The following ALOX15B variants were observed in gnomAD, a reference collection of about 807,000 sequenced individuals.
ALOX15B encodes polyunsaturated fatty acid lipoxygenase ALOX15B.
A neutral mutation model predicts 73.8 loss-of-function variants in ALOX15B; 74 were observed. The ratio of observed to expected loss-of-function variants is 1.00; its 90% CI spans 0.83 to 1.22. The LOEUF is 1.22. ALOX15B is among the 50% of genes most tolerant of loss of function. ALOX15B has a pLI of 0.00. For missense variants in ALOX15B, 896 were observed against 859.9 expected (o/e 1.04, Z -0.52); for synonymous variants, 353 against 357.2 (o/e 0.99, Z 0.13).
At chr17:8,042,758 C>A in intron 4 of ALOX15B, 23 bp from the exon 5 acceptor site, 1 of 1,545,434 alleles carries the variant, frequency 6.5e-7, no homozygotes, top group Non-Finnish European at 8.8e-7. Flanking sequence ...TCCCCACTCC[C>A]CACCCCTCAC....
At position 8,046,796 on chromosome 17, in the gene ALOX15B, C is replaced by T. The variant is rs369698956; in HGVS notation, c.1287+42C>T. 20 of 1,612,312 alleles carry T rather than the reference C, an allele frequency of 1.2e-5. No individual in the cohort carries two copies. The African/African-American group carries it at 2.5e-4, about 20-fold the overall frequency. ...GGAGGGAGTAGGCAGGCCACTCCTT[C>T]AATGTGACGAATTTGAGGTCCTGGG... On this transcript the variant is annotated intron_variant, in intron 9 of 13. Transcript: ENST00000380183.
intron 6 of ALOX15B, 30 bp downstream of exon 6, chr17:8,045,031 C>T (rs768199728): frequency 6.2e-7 from 1 of 1,612,698 alleles, no homozygotes; most frequent in Non-Finnish European, 8.5e-7. Flanking sequence ...TGGCTCTGCA[C>T]AGTCCCATCT....
intron 2 of ALOX15B, 53 bp downstream of exon 2, chr17:8,039,658 G>A (rs1976380899): frequency 8.3e-6 from 9 of 1,079,298 alleles, no homozygotes; most frequent in Admixed American, 2.3e-5. Flanking sequence ...AGGGGTAGGG[G>A]ACTGGGGGTT....
intron 13 of ALOX15B, 122 bp from the exon 14 acceptor site, chr17:8,048,263 AC>A: frequency 8.1e-7 from 1 of 1,229,622 alleles, no homozygotes. Flanking sequence ...TTCAGGTCCC[AC>A]ACTTGGGGGC....
Position 8,045,323 on chromosome 17 carries a change from C to A in ALOX15B, c.935C>A (p.Ala312Asp). The change falls in exon 7 of 14, where the codon GCC (alanine) becomes GAC (aspartate). Residue 312 changes from alanine (A) to aspartate (D), a missense_variant. By Grantham distance (126) the Ala-to-Asp change is moderately radical. Transcript: ENST00000380183. Reference sequence around the variant, plus strand: ...AATGGGAAGCCTCAGTTCTCTGCGGCCCCAATGACCCTGCTATACCAGAGC... The same window carrying A: ...AATGGGAAGCCTCAGTTCTCTGCGGACCCAATGACCCTGCTATACCAGAGC... ...VINGKPQFSAAPMTLLYQSPG... is the reference protein window; with the variant it reads ...VINGKPQFSADPMTLLYQSPG... 1 of 1,614,182 alleles carries A rather than the reference C, an allele frequency of 6.2e-7. No homozygotes were observed. Among genetic ancestry groups the A allele is most frequent in the Non-Finnish European group, 8.5e-7 (1 of 1,180,032 alleles).
At position 8,045,499 on chromosome 17, in the gene ALOX15B, G is replaced by A; in HGVS notation, c.1013G>A (p.Gly338Asp). The change falls in exon 8 of 14, where the codon GGC (glycine) becomes GAC (aspartate). Residue 338 changes from glycine to aspartate, a missense_variant. Coordinates refer to ENST00000380183, the MANE Select transcript of ALOX15B (RefSeq NM_001141.3). The stretch of plus-strand genomic sequence containing the variant: ...TCCCCCCAGCTCAGCCAGACCCCCG[G>A]CCCAAACAGCCCCATCTTCCTGCCC... ...PLAIQLSQTP[G>D]PNSPIFLPTD... 1 of 1,614,030 alleles carries A rather than the reference G, an allele frequency of 6.2e-7. No homozygotes were observed. The highest frequency in any genetic ancestry group is 8.5e-7 in the Non-Finnish European group (1 of 1,179,982).
chr17:8,041,173 C>A (rs1326684008), intron 3 of ALOX15B, among the ~76,000 whole-genome samples: 1 of 152,176 alleles, frequency 6.6e-6, no homozygotes, highest in Non-Finnish European at 1.5e-5. Flanking sequence ...CTACTGTGTC[C>A]ATGGAGACCC....
At chr17:8,044,546 G>A (rs893892302) in intron 5 of ALOX15B, among the ~76,000 whole-genome samples, 4 of 152,156 alleles carry the variant, frequency 2.6e-5, no homozygotes, top group Non-Finnish European at 5.9e-5. Flanking sequence ...TGAGCTGTAG[G>A]AATAATCTGT....
intron 3 of ALOX15B, among the ~76,000 whole-genome samples, chr17:8,040,601 G>GAGAAAGAA (rs373229362): frequency 0.17 from 18,282 of 109,200 alleles, 1,633 homozygotes; most frequent in Admixed American, 0.21. Context: ...AAGAAAGAGA[G>GAGAAAGAA]AGAAAGAAAG....
At chr17:8,044,241 G>A (rs1976543358) in intron 5 of ALOX15B, among the ~76,000 whole-genome samples, 1 of 151,928 alleles carries the variant, frequency 6.6e-6, no homozygotes, top group Non-Finnish European at 1.5e-5. Flanking sequence ...GAGCAACATG[G>A]AGAAACCCTG....
intron 3 of ALOX15B, among the ~76,000 whole-genome samples, chr17:8,040,257 T>C (rs1052099827): frequency 3.3e-5 from 5 of 152,112 alleles, no homozygotes; most frequent in Non-Finnish European, 7.4e-5. Flanking sequence ...AACACTGCTC[T>C]AGGGCCAGGT....
Position 8,047,993 on chromosome 17 carries a change from C to T in ALOX15B, c.1851+78C>T. On this transcript the variant is annotated intron_variant, in intron 13 of 13. Transcript: ENST00000380183. ...TGATGTTTACCCTGCTGGCCCAGAC[C>T]CAACCCTGCCATCAGGTAGCGGGTC... 2.7e-6 allele frequency: 4 copies of T among 1,490,366 alleles called. No homozygotes were observed. In the Admixed American group the frequency reaches 6.1e-5, roughly 23 times the overall value. The allele number at this position is 1,490,366 out of a possible 1,614,324, so 92.3% of individuals were successfully genotyped here. A position where few individuals can be genotyped will look rare whatever the true frequency, so the allele number is the denominator to read the frequency against.
At chr17:8,045,089 C>T in intron 6 of ALOX15B, 88 bp downstream of exon 6, 2 of 1,588,796 alleles carry the variant, frequency 1.3e-6, no homozygotes, top group Non-Finnish European at 8.6e-7. Context: ...GGCACACTCA[C>T]ATTTGTTAGG....
At chr17:8,043,158 C>T (rs1035400419) in intron 5 of ALOX15B, among the ~76,000 whole-genome samples, 2 of 152,218 alleles carry the variant, frequency 1.3e-5, no homozygotes, top group Non-Finnish European at 2.9e-5. Flanking sequence ...CACAGTTGAG[C>T]AGGCCAGTTG....
At position 8,044,811 on chromosome 17, in the gene ALOX15B, G is replaced by C. The variant is rs1234834814; in HGVS notation, c.677-18G>C. On this transcript the variant is annotated intron_variant, in intron 5 of 13. Coordinates refer to ENST00000380183, the MANE Select transcript of ALOX15B (RefSeq NM_001141.3). ...CGCATTTGAGTGACCCCGTTCCCCT[G>C]TCCCCCACCCCCTGCAGAGCACGCA... The C allele has an allele frequency of 5.5e-6, 8 of 1,456,812 alleles. No individual in the cohort carries two copies. The highest frequency in any genetic ancestry group is 1.8e-6 in the Non-Finnish European group (2 of 1,088,344). 90.2% of individuals were successfully genotyped at this position (1,456,812 alleles called of 1,614,324 possible).
In ALOX15B at chr17:8,039,238, G is replaced by A. The variant is rs1441219624; in HGVS notation, c.83G>A (p.Gly28Glu). The A allele has an allele frequency of 6.2e-7, 1 of 1,606,686 alleles. No individual in the cohort carries two copies. The highest frequency in any genetic ancestry group is 1.3e-5 in the African/African-American group (1 of 74,886). The change falls in exon 1 of 14, where the codon GGG becomes GAG. Residue 28 changes from glycine (G) to glutamate (E), a missense_variant. Transcript: ENST00000380183. ...TWDKVSVSIV[G>E]TRGESPPLPL... Reference sequence around the variant, plus strand: ...GACAAAGTGTCTGTCAGCATCGTGGGGACCCGGGGAGAGAGCCCCCCACTG... The same window carrying A: ...GACAAAGTGTCTGTCAGCATCGTGGAGACCCGGGGAGAGAGCCCCCCACTG...
rs1380996348 is a variant in ALOX15B, at chr17:8,039,425, C to T, written c.187C>T (p.Arg63Ter). The T allele has an allele frequency of 6.2e-7, 1 of 1,612,724 alleles. No homozygotes were observed. The highest frequency in any genetic ancestry group is 8.5e-7 in the Non-Finnish European group (1 of 1,179,610). Reference protein sequence around the residue: ...FQVTLPEDVGRVLLLRVHKAP... With the variant: ...FQVTLPEDVG ...GGTGACGCTCCCGGAGGACGTAGGC[C>T]GAGTGCTGCTGCTGCGCGTGCACAA... The change falls in exon 2 of 14, where the codon CGA becomes TGA. Residue 63 changes from arginine (R) to a stop codon, truncating the protein, a stop_gained. Transcript: ENST00000380183. LOFTEE classifies it high-confidence loss of function.
intron 8 of ALOX15B, 140 bp downstream of exon 8, chr17:8,045,826 C>A (rs577668101): frequency 1.5e-5 from 14 of 909,016 alleles, no homozygotes; most frequent in African/African-American, 6.6e-5. Context: ...TGGCACAACT[C>A]CCCTGGAAGC....
intron 1 of ALOX15B, 32 bp downstream of exon 1, chr17:8,039,334 G>C: frequency 6.3e-7 from 1 of 1,589,806 alleles, no homozygotes; most frequent in Non-Finnish European, 8.6e-7. Context: ...GGGTGGAGGT[G>C]AAGGGGGCGA....
Sources: gnomAD v4.1 joint callset for allele counts (sites outside exome capture counted in the v4.1 genomes callset) on GRCh38, gnomAD v4.1.1 for gene constraint, MANE v1.5 for transcripts, NCBI Gene and HGNC (gene_info 2026-07-23, HGNC 2026-07-21) for gene names.